GRK4: variants seen among roughly 807,000 people sequenced by gnomAD.
GRK4 encodes the protein G protein-coupled receptor kinase 2-like.
Under a neutral mutation model 77.9 loss-of-function variants are expected in GRK4, and 73 were observed. The ratio of observed to expected loss-of-function variants is 0.94; its 90% CI spans 0.78 to 1.14. The LOEUF (loss-of-function observed/expected upper bound fraction) is 1.14, where lower values mean the gene tolerates loss of function less well. Ranked by LOEUF, GRK4 falls within the 50% of genes most tolerant of loss-of-function variation. The probability of loss-of-function intolerance (pLI) is 0.00; values close to 1 mark genes in which losing one functional copy is unlikely to be tolerated. For missense variants in GRK4, 729 were observed against 700.2 expected (o/e 1.04, Z -0.46); for synonymous variants, 257 against 254.4 (o/e 1.01, Z -0.10).
At chr4:3,018,838 C>A (rs1735265024) in intron 8 of GRK4, among the ~76,000 whole-genome samples, 1 of 151,782 alleles carries the variant, frequency 6.6e-6, no homozygotes, top group African/African-American at 2.4e-5. Context: ...GAGATGGTGC[C>A]ACTGCACTCC....
intron 2 of GRK4, among the ~76,000 whole-genome samples, chr4:2,985,227 C>T (rs1345291094): frequency 1.3e-5 from 2 of 151,050 alleles, no homozygotes; most frequent in Non-Finnish European, 3.0e-5. Flanking sequence ...GGTGAAACCC[C>T]GTCTCTACTA....
intron 4 of GRK4, among the ~76,000 whole-genome samples, chr4:2,995,463 G>A (rs1453268466): frequency 6.8e-6 from 1 of 146,952 alleles, no homozygotes. Context: ...GAGGTTAGGA[G>A]TTCGAGACCA....
chr4:2,976,631 C>CTT (rs769469513), intron 1 of GRK4, among the ~76,000 whole-genome samples: 33 of 117,332 alleles, frequency 2.8e-4, no homozygotes, highest in African/African-American at 6.2e-4. Context: ...TTCTTTCTTT[C>CTT]TTTTTTTTTT....
chr4:2,991,739 C>T (rs1726243418), intron 3 of GRK4, among the ~76,000 whole-genome samples: 1 of 152,018 alleles, frequency 6.6e-6, no homozygotes, highest in Non-Finnish European at 1.5e-5. Flanking sequence ...CTCCAACTCC[C>T]AGCCTCAGAT....
rs951786728 is a variant in GRK4, at chr4:3,001,909, G to A, written c.340-2322G>A. 1.3e-5 allele frequency among the ~76,000 whole-genome samples: 2 copies of A among 152,168 alleles called. 1 individual carries two copies. Among genetic ancestry groups the A allele is most frequent in the South Asian group, 4.1e-4 (2 of 4,824 alleles). ...TCTTGTTTCTAATTACAAATTAGGT[G>A]GACAATTGAGCATGACTTGGGTATT... On this transcript the variant is annotated intron_variant, in intron 4 of 15. Transcript: ENST00000398052.
At chr4:2,986,346 G>T (rs1724340323) in intron 2 of GRK4, among the ~76,000 whole-genome samples, 1 of 141,600 alleles carries the variant, frequency 7.1e-6, no homozygotes, top group East Asian at 2.0e-4. Context: ...ATATATAAAA[G>T]GTGTTATCTT....
At chr4:3,016,715 CAAAA>C (rs71180110) in intron 8 of GRK4, among the ~76,000 whole-genome samples, 1 of 130,382 alleles carries the variant, frequency 7.7e-6, no homozygotes, top group African/African-American at 2.9e-5. Flanking sequence ...CAAAGCAAAA[CAAAA>C]AAAAAAATAC....
Position 3,019,699 on chromosome 4 carries a change from T to G in GRK4, c.800T>G (p.Met267Arg). Residue 267 changes from methionine to arginine, a missense_variant, in exon 9 of 16, where the codon ATG (methionine) becomes AGG (arginine). Coordinates refer to ENST00000398052, the MANE Select transcript of GRK4 (RefSeq NM_182982.3). Reference sequence around the variant, plus strand: ...GCCTTGTGCTTGGTGCTCACCATTATGAATGGAGGGGATTTGAAGTTTCAC... The same window carrying G: ...GCCTTGTGCTTGGTGCTCACCATTAGGAATGGAGGGGATTTGAAGTTTCAC... The part of the protein sequence containing the change: ...KDALCLVLTI[M>R]NGGDLKFHIY... 1 of 1,614,206 alleles carries G rather than the reference T, an allele frequency of 6.2e-7. No homozygotes were observed. The highest frequency in any genetic ancestry group is 1.1e-5 in the South Asian group (1 of 91,084).
At chr4:2,992,746 C>T (rs151323174) in intron 4 of GRK4, among the ~76,000 whole-genome samples, 2,728 of 151,724 alleles carry the variant, frequency 0.018, 81 homozygotes, top group African/African-American at 0.061. Context: ...TTTGGGAGGC[C>T]GAGGCAGGCA....
At chr4:3,007,329 C>G (rs1008130074) in intron 5 of GRK4, among the ~76,000 whole-genome samples, 1 of 152,208 alleles carries the variant, frequency 6.6e-6, no homozygotes, top group African/African-American at 2.4e-5. Flanking sequence ...GAAACTGAGG[C>G]TATAGAGGTT....
At chr4:3,037,799 C>G (rs1312644061) in intron 14 of GRK4, among the ~76,000 whole-genome samples, 1 of 151,846 alleles carries the variant, frequency 6.6e-6, no homozygotes, top group African/African-American at 2.4e-5. Flanking sequence ...CCTGTAGTCC[C>G]AGCTAGTAGG....
intron 1 of GRK4, among the ~76,000 whole-genome samples, chr4:2,978,398 G>T (rs1374463663): frequency 6.6e-6 from 1 of 152,202 alleles, no homozygotes. Flanking sequence ...TTTAATGAAT[G>T]AATTAGGGAG....
Position 3,024,138 on chromosome 4 carries a change from G to A in GRK4, c.970+1687G>A, listed in dbSNP as rs544997667. 3.9e-5 allele frequency among the ~76,000 whole-genome samples: 6 copies of A among 152,228 alleles called. No homozygotes were observed. The South Asian group carries it at 8.3e-4, about 21-fold the overall frequency. On this transcript the variant is annotated intron_variant, in intron 10 of 15. Transcript: ENST00000398052. ...TGCTCTGCCCAGGTTCCCCTCCTGC[G>A]CCACGATCTGAAAGGCACTCCCGGG...
intron 12 of GRK4, among the ~76,000 whole-genome samples, chr4:3,033,436 G>C (rs1739712866): frequency 6.6e-6 from 1 of 152,232 alleles, no homozygotes; most frequent in Non-Finnish European, 1.5e-5. Context: ...ACAGATTTGT[G>C]GGGGATACAC....
intron 7 of GRK4, among the ~76,000 whole-genome samples, chr4:3,011,493 AC>A (rs1453656906): frequency 6.6e-6 from 1 of 152,240 alleles, no homozygotes; most frequent in Non-Finnish European, 1.5e-5. Flanking sequence ...TGTATAGATT[AC>A]TTTTTAACAG....
At chr4:3,032,468 C>T (rs1739445145) in intron 12 of GRK4, among the ~76,000 whole-genome samples, 1 of 152,148 alleles carries the variant, frequency 6.6e-6, no homozygotes, top group South Asian at 2.1e-4. Flanking sequence ...ACTTGTTCTG[C>T]TAGGCTCGGG....
rs1032617283 is a variant in GRK4 at position 3,037,440 on chromosome 4, C to T, written c.1474C>T (p.Leu492=). Reference sequence around the variant, plus strand: ...GTTCTCGGTGGTGAAAGGGATCTACCTGGACACCGCAGATGAAGACTTCTA... The same window carrying T: ...GTTCTCGGTGGTGAAAGGGATCTACTTGGACACCGCAGATGAAGACTTCTA... ...EQFSVVKGIY[L]DTADEDFYAR... Residue 492 remains leucine, a synonymous_variant, in exon 14 of 16, where the codon CTG becomes TTG. Transcript: ENST00000398052. 2.5e-6 allele frequency: 4 copies of T among 1,607,968 alleles called. No homozygotes were observed. The African/African-American group carries it at 5.4e-5, about 22-fold the overall frequency.
chr4:3,027,510 C>A (rs575432401), intron 10 of GRK4, among the ~76,000 whole-genome samples: 1 of 152,228 alleles, frequency 6.6e-6, no homozygotes, highest in Non-Finnish European at 1.5e-5. Flanking sequence ...TCATGTGTAG[C>A]TGTCCCTGTG....
At chr4:3,029,967 A>C (rs978915801) in intron 12 of GRK4, among the ~76,000 whole-genome samples, 5 of 152,214 alleles carry the variant, frequency 3.3e-5, no homozygotes, top group Admixed American at 1.3e-4. Context: ...AATGCTACTG[A>C]AAGGGAAGAG....
Sources: allele counts gnomAD v4.1 joint callset (sites outside exome capture counted in the v4.1 genomes callset), GRCh38; gene constraint gnomAD v4.1.1; transcripts MANE v1.5; gene names NCBI Gene and HGNC (gene_info 2026-07-23, HGNC 2026-07-21).